The following CCDC73 variants were observed in gnomAD, a reference collection of about 807,000 sequenced individuals.
CCDC73 encodes coiled-coil domain containing 73, also known as coiled-coil domain-containing protein 73.
A neutral mutation model predicts 116.5 loss-of-function variants in CCDC73; 95 were observed. That is an observed-to-expected ratio of 0.82 (90% CI 0.69 to 0.97). The LOEUF (loss-of-function observed/expected upper bound fraction) is 0.97. Among genes scored for constraint, CCDC73 ranks in the 50% least tolerant of loss-of-function variants. The pLI, the probability that CCDC73 is intolerant of heterozygous loss-of-function variation, is 0.00. For missense variants in CCDC73, 1,066 were observed against 1,206.8 expected, an observed-to-expected ratio of 0.88 and a Z score of 1.73; for synonymous variants, 398 against 401.3, an observed-to-expected ratio of 0.99 and a Z score of 0.10.
At chr11:32,655,218 A>T (rs529580733) in intron 9 of CCDC73, among the ~76,000 whole-genome samples, 1 of 152,318 alleles carries the variant, frequency 6.6e-6, no homozygotes, top group African/African-American at 2.4e-5. Context: ...GTACTAACAA[A>T]ATCAACTAAC....
chr11:32,825,380 G>A, the CCDC73 span, among the ~76,000 whole-genome samples: 3 of 136,760 alleles, frequency 2.2e-5, no homozygotes, highest in South Asian at 2.3e-4. Context: ...TCGGCTCATC[G>A]CAACCTCCAC....
chr11:32,740,820 C>A (rs1184441156), intron 2 of CCDC73, among the ~76,000 whole-genome samples: 4 of 151,804 alleles, frequency 2.6e-5, no homozygotes, highest in Non-Finnish European at 5.9e-5. Flanking sequence ...CAGCTATAAA[C>A]TTCCATCTTA....
the CCDC73 span, among the ~76,000 whole-genome samples, chr11:32,816,995 G>C: frequency 6.6e-6 from 1 of 152,116 alleles, no homozygotes. Context: ...ATGTTGGCCA[G>C]GTTGGTCTCA....
chr11:32,642,044 T>G lies in CCDC73; in HGVS notation c.978A>C (p.Val326=). ...TAAGAAACTTTTCTTCATTTTCTTT[T>G]ACCTTCTCCCTTTGCAGCTCATTAT... ...ERDNELQREK[V]KENEEKFLNL... Residue 326 remains valine, a synonymous_variant, in exon 13 of 18, where the codon GTA becomes GTC. Transcript: ENST00000335185. The G allele has an allele frequency of 6.3e-7, 1 of 1,575,482 alleles. No homozygotes were observed. The highest frequency in any genetic ancestry group is 8.6e-7 in the Non-Finnish European group (1 of 1,159,790).
At chr11:32,816,464 A>AT in the CCDC73 span, among the ~76,000 whole-genome samples, 2 of 152,142 alleles carry the variant, frequency 1.3e-5, no homozygotes, top group Non-Finnish European at 2.9e-5. Flanking sequence ...ATTTACAACA[A>AT]TTTTTTCTAA....
chr11:32,739,500 T>C (rs114316964), intron 2 of CCDC73, among the ~76,000 whole-genome samples: 3,751 of 152,220 alleles, frequency 0.025, 140 homozygotes, highest in African/African-American at 0.085. Flanking sequence ...TTCAGATTGC[T>C]TGCTGTTGGC....
chr11:32,801,818 G>A, the CCDC73 span, among the ~76,000 whole-genome samples: 1 of 152,124 alleles, frequency 6.6e-6, no homozygotes, highest in Admixed American at 6.5e-5. Flanking sequence ...AAGGGCAACT[G>A]GAAATGTTGA....
chr11:32,635,817 T>C lies in CCDC73; in HGVS notation c.1064A>G (p.Asn355Ser), dbSNP rs371476074. Residue 355 changes from asparagine (N) to serine (S), a missense_variant, in exon 14 of 18, where the codon AAT (asparagine) becomes AGT (serine). By Grantham distance (46) the Asn-to-Ser change is conservative. Coordinates refer to ENST00000335185, the MANE Select transcript of CCDC73 (RefSeq NM_001008391.4). Reference protein sequence around the residue: ...GTWKRHAEELNGEINKIKNEL... With the variant: ...GTWKRHAEELSGEINKIKNEL... ...ATTTTTAATCTTATTAATTTCTCCA[T>C]TAAGTTCTTCAGCCTATTATAAAAA... 41 of 1,187,080 alleles carry C rather than the reference T, an allele frequency of 3.5e-5. No homozygotes were observed. In the African/African-American group the frequency reaches 5.2e-4, roughly 15 times the overall value. The allele number at this position is 1,187,080 out of a possible 1,614,324, so 73.5% of individuals were successfully genotyped here.
intron 2 of CCDC73, among the ~76,000 whole-genome samples, chr11:32,727,563 C>T (rs1285509309): frequency 3.3e-5 from 5 of 151,964 alleles, no homozygotes; most frequent in Non-Finnish European, 5.9e-5. Flanking sequence ...GTGGATACTG[C>T]CTGAAGCAAT....
chr11:32,768,526 C>T (rs1850464603), intron 1 of CCDC73, among the ~76,000 whole-genome samples: 1 of 151,802 alleles, frequency 6.6e-6, no homozygotes, highest in Non-Finnish European at 1.5e-5. Flanking sequence ...AAAGTCTTAT[C>T]CCAGAAAGTT....
intron 7 of CCDC73, among the ~76,000 whole-genome samples, chr11:32,678,527 T>C (rs1856112650): frequency 6.6e-6 from 1 of 152,154 alleles, no homozygotes; most frequent in Admixed American, 6.6e-5. Flanking sequence ...AAAATGATTG[T>C]TATTATTCCT....
chr11:32,766,097 A>C (rs1590637345), intron 1 of CCDC73, among the ~76,000 whole-genome samples: 1 of 152,188 alleles, frequency 6.6e-6, no homozygotes, highest in Non-Finnish European at 1.5e-5. Context: ...CACATCAAAA[A>C]ACTTATCCAC....
intron 14 of CCDC73, among the ~76,000 whole-genome samples, chr11:32,628,203 A>G (rs1855594514): frequency 6.6e-6 from 1 of 152,174 alleles, no homozygotes; most frequent in Admixed American, 6.5e-5. Flanking sequence ...GAGAAAGAGG[A>G]AAAAGTGAGA....
intron 2 of CCDC73, among the ~76,000 whole-genome samples, chr11:32,733,869 C>T (rs930530511): frequency 1.3e-5 from 2 of 152,052 alleles, no homozygotes; most frequent in Non-Finnish European, 2.9e-5. Flanking sequence ...ACTAGAGAAG[C>T]AAGAGCAAAC....
chr11:32,810,470 T>C, the CCDC73 span, among the ~76,000 whole-genome samples: 1 of 152,184 alleles, frequency 6.6e-6, no homozygotes. Flanking sequence ...ACACGATTAA[T>C]TAAAACAGAG....
chr11:32,807,099 TTTGA>T, the CCDC73 span, among the ~76,000 whole-genome samples: 2 of 152,276 alleles, frequency 1.3e-5, no homozygotes, highest in Admixed American at 6.5e-5. Flanking sequence ...TGGTCAGCTG[TTTGA>T]TTGATCACAG....
chr11:32,798,715 C>T (rs1678449519), upstream of CCDC73, among the ~76,000 whole-genome samples: 1 of 152,202 alleles, frequency 6.6e-6, no homozygotes, highest in South Asian at 2.1e-4. Flanking sequence ...GCTAATCAGG[C>T]ATCTAACTCC....
intron 14 of CCDC73, among the ~76,000 whole-genome samples, chr11:32,625,839 A>G (rs1447895155): frequency 6.6e-6 from 1 of 151,926 alleles, no homozygotes; most frequent in Non-Finnish European, 1.5e-5. Flanking sequence ...TCAAACTAAT[A>G]AGAGCTATCT....
At chr11:32,690,658 A>G (rs192920363) in intron 6 of CCDC73, among the ~76,000 whole-genome samples, 1 of 152,248 alleles carries the variant, frequency 6.6e-6, no homozygotes, top group East Asian at 1.9e-4. Context: ...CTGCTCTGCC[A>G]TGGTAAGACA....
Sources: gnomAD v4.1 joint callset for allele counts (sites outside exome capture counted in the v4.1 genomes callset) on GRCh38, gnomAD v4.1.1 for gene constraint, MANE v1.5 for transcripts, NCBI Gene and HGNC (gene_info 2026-07-23, HGNC 2026-07-21) for gene names.